CTNNA3: variants seen among roughly 807,000 people sequenced by gnomAD.
CTNNA3 encodes catenin alpha 3.
In CTNNA3, 76 loss-of-function variants were observed where a neutral mutation model predicts 95.7. The ratio of observed to expected loss-of-function variants is 0.79; its 90% confidence interval spans 0.66 to 0.96. The LOEUF is 0.96. Among genes scored for constraint, CTNNA3 ranks in the 40% least tolerant of loss-of-function variants. The pLI is 0.00. For synonymous variants in CTNNA3, 431 were observed against 374.4 expected (o/e 1.15, Z -1.74); for missense variants, 1,191 against 1,089.8 (o/e 1.09, Z -1.31).
intron 9 of CTNNA3, among the ~76,000 whole-genome samples, chr10:66,696,817 T>C (rs1847783174): frequency 6.6e-6 from 1 of 151,984 alleles, no homozygotes; most frequent in South Asian, 2.1e-4. Flanking sequence ...TGTGCGCCTG[T>C]AGTCCCAGCT....
intron 13 of CTNNA3, among the ~76,000 whole-genome samples, chr10:66,266,967 A>G (rs191430915): frequency 1.3e-5 from 2 of 152,142 alleles, no homozygotes; most frequent in African/African-American, 4.8e-5. Context: ...CTCCTTTAGT[A>G]GTAAATATAT....
intron 7 of CTNNA3, among the ~76,000 whole-genome samples, chr10:66,859,528 GA>G (rs1843819489): frequency 6.6e-6 from 1 of 151,838 alleles, no homozygotes; most frequent in Non-Finnish European, 1.5e-5. Context: ...AGGTGCTGGA[GA>G]GGATGTGGAG....
At position 66,816,793 on chromosome 10, in the gene CTNNA3, T is replaced by A. The variant is rs527606555; in HGVS notation, c.1048-41269A>T. ...ATGTTAGGCAGTGAAAAAGCCTCAA[T>A]TAACTTAAAAGGATTTAAATAATAT... is the stretch of plus-strand genomic sequence containing the variant. On this transcript the variant is annotated intron_variant, in intron 7 of 17. Transcript: ENST00000433211. Among the ~76,000 whole-genome samples the A allele has an allele frequency of 4.6e-5, 7 of 152,170 alleles. No homozygotes were observed. The East Asian group carries it at 9.6e-4, about 21-fold the overall frequency.
chr10:66,301,155 G>A (rs539509793), intron 12 of CTNNA3, among the ~76,000 whole-genome samples: 1 of 152,104 alleles, frequency 6.6e-6, no homozygotes, highest in South Asian at 2.1e-4. Flanking sequence ...TAGGCTTATA[G>A]CTATTGAGGA....
At chr10:66,743,974 C>CA (rs536825430) in intron 9 of CTNNA3, among the ~76,000 whole-genome samples, 21,608 of 44,156 alleles carry the variant, frequency 0.49, 4,640 homozygotes, top group African/African-American at 0.54. Flanking sequence ...GATTCCATCT[C>CA]AAAAAAAAAA....
At chr10:66,242,534 C>T (rs969092173) in intron 13 of CTNNA3, among the ~76,000 whole-genome samples, 1 of 152,058 alleles carries the variant, frequency 6.6e-6, no homozygotes, top group Non-Finnish European at 1.5e-5. Context: ...TGAAAAAATG[C>T]TCAACATCCT....
chr10:66,340,119 G>C (rs2092439002), intron 12 of CTNNA3, among the ~76,000 whole-genome samples: 1 of 151,804 alleles, frequency 6.6e-6, no homozygotes, highest in Non-Finnish European at 1.5e-5. Flanking sequence ...CTTAGAGCTT[G>C]CCTAAATTGT....
At chr10:66,502,465 T>A (rs2131967748) in intron 11 of CTNNA3, among the ~76,000 whole-genome samples, 1 of 152,266 alleles carries the variant, frequency 6.6e-6, no homozygotes, top group Non-Finnish European at 1.5e-5. Flanking sequence ...CATTGGATTT[T>A]GCTCTAATTT....
chr10:66,631,858 T>C (rs1219589739), intron 9 of CTNNA3, among the ~76,000 whole-genome samples: 1 of 152,168 alleles, frequency 6.6e-6, no homozygotes, highest in East Asian at 1.9e-4. Flanking sequence ...ATCTGAAAAC[T>C]GTTATTACTA....
chr10:67,259,086 C>T (rs946721748), intron 5 of CTNNA3, among the ~76,000 whole-genome samples: 1 of 151,874 alleles, frequency 6.6e-6, no homozygotes, highest in African/African-American at 2.4e-5. Flanking sequence ...TATTTTCAAC[C>T]CACAGTTGAT....
At chr10:66,566,783 G>A (rs192926127) in intron 10 of CTNNA3, among the ~76,000 whole-genome samples, 124 of 151,850 alleles carry the variant, frequency 8.2e-4, no homozygotes, top group Non-Finnish European at 1.3e-3. Context: ...TTCCCAAGCT[G>A]AGATTTGAAA....
intron 1 of CTNNA3, among the ~76,000 whole-genome samples, chr10:67,748,250 G>C (rs1453797608): frequency 6.6e-6 from 1 of 152,080 alleles, no homozygotes; most frequent in Non-Finnish European, 1.5e-5. Context: ...AGGAAATACA[G>C]AGAACCCCAG....
rs548045837 is a variant in CTNNA3 at position 66,280,582 on chromosome 10, T to A, written c.1772A>T (p.Glu591Val). 24 of 1,608,732 alleles carry A rather than the reference T, an allele frequency of 1.5e-5. No homozygotes were observed. In the South Asian group the frequency reaches 2.6e-4, roughly 18 times the overall value. The change falls in exon 13 of 18, where the codon GAA becomes GTA. Residue 591 changes from glutamate (E) to valine (V), a missense_variant. By Grantham distance (121) the Glu-to-Val change is moderately radical (BLOSUM62 -2). Transcript: ENST00000433211. Reference sequence around the variant, plus strand: ...ATTCAATGAGCTTTTGCTTAAGGCTTCCAAGGCAACATTCACTTGTGTTAC... The same window carrying A: ...ATTCAATGAGCTTTTGCTTAAGGCTACCAAGGCAACATTCACTTGTGTTAC... Reference protein sequence around the residue: ...EFVTQVNVALEALSKSSLNVL... With the variant: ...EFVTQVNVALVALSKSSLNVL...
At chr10:67,327,396 G>A (rs2132570973) in intron 5 of CTNNA3, among the ~76,000 whole-genome samples, 1 of 152,164 alleles carries the variant, frequency 6.6e-6, no homozygotes, top group East Asian at 1.9e-4. Context: ...CTTTGGATGG[G>A]GTTTTTTTCC....
rs1387319716 is a variant in CTNNA3, at chr10:67,725,688, G to C, written c.-2+37746C>G. ...GGGATAGAGAGAAAAAGAGATGAGA[G>C]TCAGGGGGATGGTCTAAGGAGAAGA... is the stretch of plus-strand genomic sequence containing the variant. On this transcript the variant is annotated intron_variant, in intron 1 of 17. Coordinates refer to the CTNNA3 transcript ENST00000684154. Among the ~76,000 whole-genome samples the C allele has an allele frequency of 2.0e-5, 3 of 151,806 alleles. No individual in the cohort carries two copies. In the East Asian group the frequency reaches 5.8e-4, roughly 29 times the overall value.
At chr10:67,453,230 A>G (rs1847055531) in intron 5 of CTNNA3, among the ~76,000 whole-genome samples, 1 of 152,196 alleles carries the variant, frequency 6.6e-6, no homozygotes, top group South Asian at 2.1e-4. Context: ...TATGAAAGAC[A>G]TGAAAATCCC....
At chr10:66,119,162 T>A (rs1228183080) in intron 13 of CTNNA3, among the ~76,000 whole-genome samples, 2 of 152,190 alleles carry the variant, frequency 1.3e-5, no homozygotes, top group Non-Finnish European at 2.9e-5. Context: ...CTACTATGTA[T>A]GAAGTACAGT....
chr10:65,959,028 C>T (rs554256248), intron 17 of CTNNA3, among the ~76,000 whole-genome samples: 1 of 152,192 alleles, frequency 6.6e-6, no homozygotes, highest in Admixed American at 6.5e-5. Context: ...CCTTGAGCTG[C>T]GGTGGGCTCC....
At chr10:66,172,071 G>A (rs1290875429) in intron 13 of CTNNA3, among the ~76,000 whole-genome samples, 3 of 152,104 alleles carry the variant, frequency 2.0e-5, no homozygotes, top group African/African-American at 4.8e-5. Flanking sequence ...CTTCTTCACA[G>A]TACTTTGCTT....
Sources: gnomAD v4.1 joint callset for allele counts (sites outside exome capture counted in the v4.1 genomes callset) on GRCh38, gnomAD v4.1.1 for gene constraint, MANE v1.5 for transcripts, NCBI Gene and HGNC (gene_info 2026-07-23, HGNC 2026-07-21) for gene names.